Variants in KHDRBS2 observed in about 807,000 individuals in gnomAD.
The protein encoded by KHDRBS2 is KH RNA binding domain containing, signal transduction associated 2.
In KHDRBS2, 26 loss-of-function variants were observed where a neutral mutation model predicts 44.3. The ratio of observed to expected loss-of-function variants is 0.59; its 90% CI spans 0.43 to 0.81. The LOEUF is 0.81. Ranked by LOEUF, KHDRBS2 falls within the 40% of genes least tolerant of loss-of-function variation. The pLI, the probability that KHDRBS2 is intolerant of heterozygous loss-of-function variation, is 0.00. For synonymous variants in KHDRBS2, 194 were observed against 151.1 expected, an observed-to-expected ratio of 1.28 and a Z score of -2.08; for missense variants, 476 against 433.1, an observed-to-expected ratio of 1.10 and a Z score of -0.88.
At chr6:62,045,345 C>T (rs573883295) in intron 3 of KHDRBS2, among the ~76,000 whole-genome samples, 54 of 152,006 alleles carry the variant, frequency 3.6e-4, no homozygotes, top group Non-Finnish European at 6.0e-4. Flanking sequence ...CCCTCAGGGC[C>T]GTCACACTTG....
At chr6:61,715,658 C>T (rs1374810109) in intron 7 of KHDRBS2, among the ~76,000 whole-genome samples, 1 of 151,966 alleles carries the variant, frequency 6.6e-6, no homozygotes, top group African/African-American at 2.4e-5. Context: ...CTAACACATC[C>T]TCCCAGCACA....
chr6:62,084,855 T>C (rs73758656), intron 2 of KHDRBS2, among the ~76,000 whole-genome samples: 1 of 152,124 alleles, frequency 6.6e-6, no homozygotes, highest in African/African-American at 2.4e-5. Context: ...ACGATTTTCA[T>C]GACAAATTAA....
intron 6 of KHDRBS2, among the ~76,000 whole-genome samples, chr6:61,825,658 C>G (rs1376194321): frequency 6.6e-6 from 1 of 152,076 alleles, no homozygotes; most frequent in Non-Finnish European, 1.5e-5. Context: ...TGTGGTCATG[C>G]AACAAGTCCC....
At chr6:61,821,648 A>G (rs919012605) in intron 6 of KHDRBS2, among the ~76,000 whole-genome samples, 2 of 151,954 alleles carry the variant, frequency 1.3e-5, no homozygotes, top group African/African-American at 4.8e-5. Flanking sequence ...TGCTAGAGTG[A>G]TGAGTGTTGG....
chr6:62,238,481 A>G (rs752743089), intron 1 of KHDRBS2, among the ~76,000 whole-genome samples: 1 of 152,200 alleles, frequency 6.6e-6, no homozygotes, highest in Non-Finnish European at 1.5e-5. Flanking sequence ...GTAAAATAAA[A>G]CTATATTTTC....
chr6:61,779,913 G>T (rs1413418939), intron 6 of KHDRBS2, among the ~76,000 whole-genome samples: 1 of 150,346 alleles, frequency 6.7e-6, no homozygotes, highest in Non-Finnish European at 1.5e-5. Context: ...ATTCATGGAT[G>T]GATCCCAATT....
At chr6:61,649,905 T>C in the KHDRBS2 span, among the ~76,000 whole-genome samples, 3,735 of 152,264 alleles carry the variant, frequency 0.025, 71 homozygotes, top group Middle Eastern at 0.082. Flanking sequence ...TTTTGAAACA[T>C]GTAGAGATCA....
chr6:62,193,148 T>G (rs567302303), intron 1 of KHDRBS2, among the ~76,000 whole-genome samples: 1 of 152,220 alleles, frequency 6.6e-6, no homozygotes, highest in South Asian at 2.1e-4. Flanking sequence ...TAGGTATGTG[T>G]ATATCTCTAT....
At chr6:62,077,357 C>T (rs1001589505) in intron 2 of KHDRBS2, among the ~76,000 whole-genome samples, 1 of 152,028 alleles carries the variant, frequency 6.6e-6, no homozygotes, top group African/African-American at 2.4e-5. Flanking sequence ...GCCCTTCCCA[C>T]ATCAGCCTTG....
At chr6:62,137,167 A>T (rs1227177464) in intron 2 of KHDRBS2, among the ~76,000 whole-genome samples, 1 of 151,624 alleles carries the variant, frequency 6.6e-6, no homozygotes, top group Non-Finnish European at 1.5e-5. Context: ...TGCCCGGCTA[A>T]TTTGTTTGTA....
intron 6 of KHDRBS2, among the ~76,000 whole-genome samples, chr6:61,742,955 C>A (rs1776354916): frequency 6.6e-6 from 1 of 152,114 alleles, no homozygotes; most frequent in East Asian, 1.9e-4. Context: ...TTTCTGAAAT[C>A]TAGATTCTCT....
chr6:61,894,926 A>C, intron 5 of KHDRBS2, 93 bp from the exon 6 acceptor site: 1 of 749,824 alleles, frequency 1.3e-6, no homozygotes, highest in South Asian at 1.6e-5. Flanking sequence ...CCTCCATACA[A>C]TGAAATAAAT....
chr6:62,019,947 C>A (rs889561715), intron 3 of KHDRBS2, among the ~76,000 whole-genome samples: 38 of 150,920 alleles, frequency 2.5e-4, no homozygotes, highest in African/African-American at 9.0e-4. Flanking sequence ...TTTATTATTT[C>A]TTTTCTTTTC....
At chr6:61,774,186 C>A (rs1298753612) in intron 6 of KHDRBS2, among the ~76,000 whole-genome samples, 1 of 152,136 alleles carries the variant, frequency 6.6e-6, no homozygotes, top group Non-Finnish European at 1.5e-5. Flanking sequence ...TGAAGAAAGT[C>A]ATTGGTAGCT....
chr6:61,786,027 T>C (rs529904894), intron 6 of KHDRBS2, among the ~76,000 whole-genome samples: 11 of 152,008 alleles, frequency 7.2e-5, no homozygotes, highest in African/African-American at 2.6e-4. Context: ...TCTTTCTCAT[T>C]CTCTCTCTTT....
intron 2 of KHDRBS2, among the ~76,000 whole-genome samples, chr6:62,120,296 C>T (rs1037467792): frequency 6.6e-6 from 1 of 152,124 alleles, no homozygotes; most frequent in Non-Finnish European, 1.5e-5. Context: ...GAATTAGTCA[C>T]TTTAGATCTA....
intron 4 of KHDRBS2, among the ~76,000 whole-genome samples, chr6:61,924,469 C>G (rs1042913487): frequency 6.6e-6 from 1 of 151,736 alleles, no homozygotes; most frequent in South Asian, 2.1e-4. Context: ...TACAATAAGT[C>G]AAATTAAAAA....
chr6:61,708,637 T>C (rs1395571226), intron 7 of KHDRBS2, among the ~76,000 whole-genome samples: 1 of 151,714 alleles, frequency 6.6e-6, no homozygotes, highest in Non-Finnish European at 1.5e-5. Context: ...TGTTTGTGTA[T>C]AAATGTAACA....
chr6:62,282,290 G>T (rs140201494), intron 1 of KHDRBS2, among the ~76,000 whole-genome samples: 43 of 152,158 alleles, frequency 2.8e-4, no homozygotes, highest in Admixed American at 1.1e-3. Context: ...AGTCTAGATG[G>T]CAGGTCAAAC....
Sources: gnomAD v4.1 joint callset for allele counts (sites outside exome capture counted in the v4.1 genomes callset) on GRCh38, gnomAD v4.1.1 for gene constraint, MANE v1.5 for transcripts, NCBI Gene and HGNC (gene_info 2026-07-23, HGNC 2026-07-21) for gene names.